TBCA: variants seen among roughly 807,000 people sequenced by gnomAD.
TBCA encodes the protein tubulin-specific chaperone A.
In TBCA, 6 loss-of-function variants were observed where a neutral mutation model predicts 15.8. The observed-to-expected ratio is 0.38, with a 90% CI of 0.21 to 0.75. The LOEUF (loss-of-function observed/expected upper bound fraction) is 0.75. Among genes scored for constraint, TBCA ranks in the 30% least tolerant of loss-of-function variants. The pLI is 0.46. For missense variants in TBCA, 90 were observed against 131.2 expected (o/e 0.69, Z 1.53); for synonymous variants, 32 against 42.3 (o/e 0.76, Z 0.94).
intron 1 of TBCA, among the ~76,000 whole-genome samples, chr5:77,758,042 T>C (rs1168603478): frequency 6.6e-6 from 1 of 152,116 alleles, no homozygotes; most frequent in Non-Finnish European, 1.5e-5. Context: ...AGAAGTTTAT[T>C]AAAAAGCTTT....
chr5:77,699,095 T>G (rs921994328), intron 2 of TBCA, among the ~76,000 whole-genome samples: 4 of 148,888 alleles, frequency 2.7e-5, no homozygotes, highest in Middle Eastern at 3.5e-3. Context: ...GTGCAGGATC[T>G]GTATGCTGAA....
intron 1 of TBCA, among the ~76,000 whole-genome samples, chr5:77,771,161 C>T (rs188492083): frequency 6.1e-4 from 92 of 151,974 alleles, no homozygotes; most frequent in Non-Finnish European, 9.3e-4. Context: ...ACCCATCTAG[C>T]CTCTGTTACA....
At chr5:77,744,949 C>A (rs1443372921) in intron 1 of TBCA, among the ~76,000 whole-genome samples, 1 of 152,174 alleles carries the variant, frequency 6.6e-6, no homozygotes, top group Non-Finnish European at 1.5e-5. Flanking sequence ...CTGGCTCTAC[C>A]ACTTCCCAGC....
In TBCA at chr5:77,691,227, T is replaced by C; in HGVS notation, c.*191A>G. 1 of 576,664 alleles carries C rather than the reference T, an allele frequency of 1.7e-6. No individual in the cohort carries two copies. The highest frequency in any genetic ancestry group is 4.8e-4 in the Middle Eastern group (1 of 2,086). 35.7% of individuals were successfully genotyped at this position (576,664 alleles called of 1,614,324 possible). ...AGGTTAATTTAAAAATTTTGTAAAG[T>C]ATAAAATAAACAATTTTATTAGATG... On this transcript the variant is annotated 3_prime_UTR_variant, in exon 4 of 4. Coordinates refer to ENST00000380377, the MANE Select transcript of TBCA (RefSeq NM_004607.3).
At chr5:77,739,336 C>A (rs1390627144) in intron 1 of TBCA, among the ~76,000 whole-genome samples, 1 of 152,100 alleles carries the variant, frequency 6.6e-6, no homozygotes, top group Non-Finnish European at 1.5e-5. Flanking sequence ...TGGTGCACAC[C>A]TGTAATCCCA....
chr5:77,721,044 T>C (rs570264075), intron 1 of TBCA, among the ~76,000 whole-genome samples: 9 of 152,332 alleles, frequency 5.9e-5, no homozygotes, highest in Non-Finnish European at 1.2e-4. Context: ...ATATTGATTA[T>C]CATACTATTT....
At chr5:77,734,488 C>A (rs1746848415) in intron 1 of TBCA, among the ~76,000 whole-genome samples, 1 of 152,096 alleles carries the variant, frequency 6.6e-6, no homozygotes, top group South Asian at 2.1e-4. Flanking sequence ...TTCAGGACTT[C>A]AGTGGAAGAA....
chr5:77,749,903 G>A (rs918751848), intron 1 of TBCA, among the ~76,000 whole-genome samples: 1 of 152,184 alleles, frequency 6.6e-6, no homozygotes, highest in South Asian at 2.1e-4. Context: ...TGCTCTACAT[G>A]TTCTAATGTT....
intron 1 of TBCA, among the ~76,000 whole-genome samples, chr5:77,739,839 TAAG>T (rs1746993576): frequency 6.6e-6 from 1 of 152,126 alleles, no homozygotes; most frequent in African/African-American, 2.4e-5. Flanking sequence ...GTTATCCAAA[TAAG>T]AATACAACAT....
At chr5:77,736,787 A>G (rs1007318620) in intron 1 of TBCA, among the ~76,000 whole-genome samples, 7 of 152,214 alleles carry the variant, frequency 4.6e-5, no homozygotes, top group African/African-American at 1.7e-4. Context: ...TTATTCTCCA[A>G]ATAACTCAGA....
intron 1 of TBCA, among the ~76,000 whole-genome samples, chr5:77,710,260 C>G (rs945339140): frequency 6.6e-6 from 1 of 152,096 alleles, no homozygotes; most frequent in Non-Finnish European, 1.5e-5. Flanking sequence ...TACATTCAAG[C>G]ATGACAACAG....
intron 1 of TBCA, among the ~76,000 whole-genome samples, chr5:77,710,369 T>C (rs1187840004): frequency 6.6e-6 from 1 of 152,226 alleles, no homozygotes; most frequent in Non-Finnish European, 1.5e-5. Context: ...TGAGATATAA[T>C]ATTTTAAAAT....
intron 1 of TBCA, among the ~76,000 whole-genome samples, chr5:77,720,756 G>A (rs533706944): frequency 1.3e-5 from 2 of 152,090 alleles, no homozygotes; most frequent in Admixed American, 6.6e-5. Context: ...TCTTAGATGC[G>A]TTAAAAGAAG....
intron 1 of TBCA, among the ~76,000 whole-genome samples, chr5:77,757,169 T>C (rs888075877): frequency 2.0e-5 from 3 of 152,142 alleles, no homozygotes; most frequent in African/African-American, 7.2e-5. Flanking sequence ...TCAAATCTGA[T>C]GGGACAAAGA....
At chr5:77,708,197 G>T in intron 2 of TBCA, 45 bp downstream of exon 2, 1 of 1,314,792 alleles carries the variant, frequency 7.6e-7, no homozygotes, top group Non-Finnish European at 1.1e-6. Context: ...AGTTAATATG[G>T]CATTCTGTAA....
At chr5:77,738,480 AC>A (rs1285755483) in intron 1 of TBCA, among the ~76,000 whole-genome samples, 1 of 152,250 alleles carries the variant, frequency 6.6e-6, no homozygotes, top group Non-Finnish European at 1.5e-5. Flanking sequence ...AGCGCTGCAA[AC>A]AAAACAAGCA....
intron 2 of TBCA, among the ~76,000 whole-genome samples, chr5:77,700,688 C>T (rs1460848737): frequency 1.3e-5 from 2 of 152,144 alleles, no homozygotes; most frequent in East Asian, 1.9e-4. Flanking sequence ...ACGAATACAA[C>T]CTAGTAATTG....
At chr5:77,708,413 G>T in intron 1 of TBCA, 66 bp from the exon 2 acceptor site, 3 of 919,764 alleles carry the variant, frequency 3.3e-6, no homozygotes, top group East Asian at 2.6e-5. Flanking sequence ...AAGAAACTGT[G>T]TAAATATAAA....
chr5:77,775,234 G>A (rs1017323195), intron 1 of TBCA, among the ~76,000 whole-genome samples: 3 of 152,152 alleles, frequency 2.0e-5, no homozygotes, highest in African/African-American at 7.2e-5. Flanking sequence ...TCATTTAGCC[G>A]ACTAAGGCAT....
Sources: gnomAD v4.1 joint callset for allele counts (sites outside exome capture counted in the v4.1 genomes callset) on GRCh38, gnomAD v4.1.1 for gene constraint, MANE v1.5 for transcripts, NCBI Gene and HGNC (gene_info 2026-07-23, HGNC 2026-07-21) for gene names.